The following SNX24 variants were observed in gnomAD, a reference collection of about 807,000 sequenced individuals.
SNX24 encodes sorting nexin-24.
Under a neutral mutation model 28.7 loss-of-function variants are expected in SNX24, and 22 were observed. The ratio of observed to expected loss-of-function variants is 0.77; its 90% CI spans 0.55 to 1.10. The LOEUF (loss-of-function observed/expected upper bound fraction) is 1.10. SNX24 is among the 50% of genes least tolerant of loss of function. The probability of loss-of-function intolerance (pLI) is 0.00; values close to 1 mark genes in which losing one functional copy is unlikely to be tolerated. For synonymous variants in SNX24, 69 were observed against 71.5 expected (o/e 0.96, Z 0.18); for missense variants, 221 against 201.1 (o/e 1.10, Z -0.60).
intron 1 of SNX24, among the ~76,000 whole-genome samples, chr5:122,854,124 C>T (rs1273229813): frequency 2.0e-5 from 3 of 152,000 alleles, no homozygotes; most frequent in Non-Finnish European, 4.4e-5. Context: ...GTCCCCAGCA[C>T]TACACAGATG....
intron 1 of SNX24, among the ~76,000 whole-genome samples, chr5:122,926,860 C>T (rs1016209510): frequency 4.6e-5 from 7 of 152,144 alleles, no homozygotes; most frequent in African/African-American, 1.4e-4. Flanking sequence ...AGTGCAGCAG[C>T]CCACTGCATG....
chr5:122,866,727 T>C (rs1190194924), intron 1 of SNX24, among the ~76,000 whole-genome samples: 3 of 152,328 alleles, frequency 2.0e-5, no homozygotes, highest in East Asian at 3.9e-4. Context: ...AGTTTCCTTT[T>C]GGTAGGCAGG....
intron 1 of SNX24, among the ~76,000 whole-genome samples, chr5:122,889,268 CTTTA>C (rs911412240): frequency 6.6e-6 from 1 of 152,050 alleles, no homozygotes; most frequent in African/African-American, 2.4e-5. Context: ...TCCACTTTTG[CTTTA>C]TTATTTCCCC....
At chr5:123,005,947 A>G (rs772961615) in intron 6 of SNX24, among the ~76,000 whole-genome samples, 1 of 152,328 alleles carries the variant, frequency 6.6e-6, no homozygotes, top group East Asian at 1.9e-4. Context: ...CTGGATATTC[A>G]TGTATTAGAG....
At chr5:122,999,798 G>T in intron 3 of SNX24, 114 bp from the exon 4 acceptor site, 1 of 728,240 alleles carries the variant, frequency 1.4e-6, no homozygotes, top group East Asian at 2.5e-5. Context: ...TGACTGTGAG[G>T]AATGTTGCTG....
intron 3 of SNX24, among the ~76,000 whole-genome samples, chr5:122,947,408 C>CTA (rs1759734650): frequency 6.6e-6 from 1 of 152,100 alleles, no homozygotes; most frequent in Admixed American, 6.6e-5. Context: ...GCCAGAATTC[C>CTA]GTTCCTGGCC....
At position 122,991,856 on chromosome 5, in the gene SNX24, G is replaced by T. The variant is rs139853876; in HGVS notation, c.250-8056G>T. On this transcript the variant is annotated intron_variant, in intron 3 of 6. Transcript: ENST00000261369. ...AGTCTTTATATATTTGTAAGAATTA[G>T]TTGAGATGTTAAGATAAAATCCAAG... Among the ~76,000 whole-genome samples the T allele has an allele frequency of 4.1e-3, 622 of 152,152 alleles. 4 individuals carry two copies. The highest frequency in any genetic ancestry group is 0.014 in the African/African-American group (587 of 41,514).
At chr5:122,882,856 G>A (rs78463461) in intron 1 of SNX24, among the ~76,000 whole-genome samples, 1,640 of 152,048 alleles carry the variant, frequency 0.011, 24 homozygotes, top group African/African-American at 0.037. Context: ...GGTCACCCAA[G>A]TATATGATTT....
chr5:123,025,910 G>A (rs370628209), intron 5 of SNX24: 5 of 1,612,850 alleles, frequency 3.1e-6, no homozygotes, highest in African/African-American at 1.3e-5. Context: ...CCCACCCAAT[G>A]CCATAGTGCT....
intron 6 of SNX24, among the ~76,000 whole-genome samples, chr5:123,003,638 A>G (rs1762323765): frequency 6.6e-6 from 1 of 152,212 alleles, no homozygotes; most frequent in Non-Finnish European, 1.5e-5. Context: ...ATATTTTATG[A>G]CCTTTAAATC....
chr5:122,943,467 C>T (rs1007849189), intron 2 of SNX24, among the ~76,000 whole-genome samples: 2 of 152,206 alleles, frequency 1.3e-5, no homozygotes, highest in Non-Finnish European at 2.9e-5. Context: ...ATGGAAGCTA[C>T]TCCCCCTCTT....
At chr5:122,960,353 G>A (rs1001367576) in intron 3 of SNX24, among the ~76,000 whole-genome samples, 1 of 152,136 alleles carries the variant, frequency 6.6e-6, no homozygotes, top group Non-Finnish European at 1.5e-5. Context: ...GTACAAAACT[G>A]CTAGTTTGTA....
At position 122,953,913 on chromosome 5, in the gene SNX24, T is replaced by C. The variant is rs142724801; in HGVS notation, c.249+7754T>C. ...AATCCTTTTTTAAACAGTTTATTTG[T>C]AGAGAACACTTCCGAAGCTAGAGTG... On this transcript the variant is annotated intron_variant, in intron 3 of 6. Transcript: ENST00000261369. 5.6e-3 allele frequency among the ~76,000 whole-genome samples: 854 copies of C among 152,328 alleles called. 11 individuals carry two copies. Among genetic ancestry groups the C allele is most frequent in the African/African-American group, 0.019 (777 of 41,566 alleles).
chr5:122,851,257 T>C (rs1754905345), intron 1 of SNX24, among the ~76,000 whole-genome samples: 1 of 150,910 alleles, frequency 6.6e-6, no homozygotes, highest in Non-Finnish European at 1.5e-5. Flanking sequence ...CTCTGCCTCC[T>C]GGGTTCAAGC....
intron 1 of SNX24, among the ~76,000 whole-genome samples, chr5:122,847,105 CT>C (rs1754674374): frequency 6.6e-6 from 1 of 152,000 alleles, no homozygotes; most frequent in South Asian, 2.1e-4. Flanking sequence ...CATTTAGGAT[CT>C]GAAGATAAAA....
At chr5:122,928,805 A>G (rs1208266581) in intron 1 of SNX24, among the ~76,000 whole-genome samples, 1 of 151,108 alleles carries the variant, frequency 6.6e-6, no homozygotes, top group Non-Finnish European at 1.5e-5. Flanking sequence ...GTATATGGCT[A>G]TAATTTTGGG....
At chr5:122,947,483 G>T (rs1268840085) in intron 3 of SNX24, among the ~76,000 whole-genome samples, 1 of 152,172 alleles carries the variant, frequency 6.6e-6, no homozygotes, top group Non-Finnish European at 1.5e-5. Context: ...GGCCCCTGAA[G>T]ACATCTGAGG....
intron 1 of SNX24, among the ~76,000 whole-genome samples, chr5:122,849,585 A>C (rs1343840771): frequency 6.6e-6 from 1 of 150,554 alleles, no homozygotes; most frequent in African/African-American, 2.4e-5. Flanking sequence ...AAACTCAGAT[A>C]TGCCCCCAAA....
intron 6 of SNX24, among the ~76,000 whole-genome samples, chr5:123,002,900 A>C (rs1762294707): frequency 6.6e-6 from 1 of 152,202 alleles, no homozygotes; most frequent in Non-Finnish European, 1.5e-5. Context: ...TGAACTAAGC[A>C]GGGCAGATAT....
Sources: gnomAD v4.1 joint callset for allele counts (sites outside exome capture counted in the v4.1 genomes callset) on GRCh38, gnomAD v4.1.1 for gene constraint, MANE v1.5 for transcripts, NCBI Gene and HGNC (gene_info 2026-07-23, HGNC 2026-07-21) for gene names.